TRAK1: variants seen among roughly 807,000 people sequenced by gnomAD.
TRAK1 encodes trafficking kinesin-binding protein 1.
Under a neutral mutation model 92.1 loss-of-function variants are expected in TRAK1, and 33 were observed. That is an observed-to-expected ratio of 0.36 (90% CI 0.27 to 0.48). The LOEUF (loss-of-function observed/expected upper bound fraction) is 0.48. Ranked by LOEUF, TRAK1 falls within the 20% of genes least tolerant of loss-of-function variation. The probability of loss-of-function intolerance (pLI) is 0.99; values close to 1 mark genes in which losing one functional copy is unlikely to be tolerated. For synonymous variants in TRAK1, 521 were observed against 517.3 expected, an observed-to-expected ratio of 1.01 and a Z score of -0.10; for missense variants, 1,123 against 1,257.9, an observed-to-expected ratio of 0.89 and a Z score of 1.62.
chr3:42,065,540 CT>C (rs1703639851), intron 1 of TRAK1, among the ~76,000 whole-genome samples: 1 of 152,004 alleles, frequency 6.6e-6, no homozygotes, highest in Admixed American at 6.5e-5. Flanking sequence ...TGCGTAAAGG[CT>C]ATTCAGTTTG....
chr3:42,103,699 C>A (rs1707127621), intron 1 of TRAK1, among the ~76,000 whole-genome samples: 1 of 152,070 alleles, frequency 6.6e-6, no homozygotes. Flanking sequence ...AGTTTGAGAC[C>A]AGATCCAGGA....
chr3:42,014,638 A>G (rs866584150), intron 1 of TRAK1, among the ~76,000 whole-genome samples: 1 of 152,152 alleles, frequency 6.6e-6, no homozygotes, highest in South Asian at 2.1e-4. Context: ...TCTTTTGTAA[A>G]GTTGTGTTTC....
At chr3:42,184,843 A>C (rs778764201) in intron 4 of TRAK1, 42 bp downstream of exon 4, 292 of 1,578,530 alleles carry the variant, frequency 1.8e-4, no homozygotes, top group Non-Finnish European at 2.4e-4. Context: ...GGCCCGCCAC[A>C]GGCCTGGGAG....
At chr3:42,189,242 G>A in intron 6 of TRAK1, 118 bp downstream of exon 6, 2 of 726,028 alleles carry the variant, frequency 2.8e-6, no homozygotes, top group Admixed American at 2.3e-5. Context: ...GTGAAGAGCT[G>A]TACCAGGCGC....
At chr3:42,201,936 G>T (rs1707689154) in intron 12 of TRAK1, among the ~76,000 whole-genome samples, 1 of 141,418 alleles carries the variant, frequency 7.1e-6, no homozygotes, top group Non-Finnish European at 1.5e-5. Flanking sequence ...ACACACCATT[G>T]TCTACTTTGT....
intron 1 of TRAK1, among the ~76,000 whole-genome samples, chr3:42,055,406 C>T (rs1703160347): frequency 6.6e-6 from 1 of 152,168 alleles, no homozygotes; most frequent in Non-Finnish European, 1.5e-5. Flanking sequence ...GTTGTCACAT[C>T]TAAAGTATGG....
intron 10 of TRAK1, among the ~76,000 whole-genome samples, chr3:42,197,030 A>T (rs191907781): frequency 8.1e-5 from 12 of 147,448 alleles, no homozygotes; most frequent in South Asian, 6.5e-4. Context: ...ACACACACAC[A>T]CACACACACG....
intron 3 of TRAK1, among the ~76,000 whole-genome samples, chr3:42,177,647 A>G (rs1703393975): frequency 6.6e-6 from 1 of 152,206 alleles, no homozygotes; most frequent in Admixed American, 6.5e-5. Flanking sequence ...TGTGGAGGAC[A>G]CAGAAATCAT....
intron 1 of TRAK1, among the ~76,000 whole-genome samples, chr3:42,111,029 A>C (rs1708330121): frequency 6.6e-6 from 1 of 152,136 alleles, no homozygotes; most frequent in South Asian, 2.1e-4. Flanking sequence ...GGAAAATGCC[A>C]GGGGCCAAGG....
chr3:42,149,415 C>G (rs572233791), intron 2 of TRAK1: 3 of 1,494,248 alleles, frequency 2.0e-6, no homozygotes, highest in African/African-American at 2.8e-5. Flanking sequence ...CAGCCTAATT[C>G]TGGTGTGTTT....
intron 14 of TRAK1, chr3:42,212,598 G>T (rs8528): frequency 0.32 from 295,215 of 932,868 alleles, 48,285 homozygotes; most frequent in East Asian, 0.36. Context: ...TAATTTAGAT[G>T]ATTAAAATGG....
chr3:42,055,198 G>C (rs373491032), intron 1 of TRAK1, among the ~76,000 whole-genome samples: 1 of 152,014 alleles, frequency 6.6e-6, no homozygotes, highest in East Asian at 1.9e-4. Context: ...GGGATTACAA[G>C]AGTGAGCCAC....
At position 42,081,170 on chromosome 3, in the gene TRAK1, C is replaced by G. The variant is rs368464878; in HGVS notation, c.-518-5934C>G. Among the ~76,000 whole-genome samples the G allele has an allele frequency of 1.8e-4, 28 of 152,328 alleles. 1 individual carries two copies. The South Asian group carries it at 3.5e-3, about 19-fold the overall frequency. On this transcript the variant is annotated intron_variant, in intron 1 of 16. Coordinates refer to the TRAK1 transcript ENST00000487159. ...AGGATTATGGTGTGAGCCACTGGGC[C>G]TGGCCACTGTGAGCCACATTTGATG...
intron 13 of TRAK1, among the ~76,000 whole-genome samples, chr3:42,206,674 A>T (rs562282870): frequency 6.6e-6 from 1 of 152,362 alleles, no homozygotes; most frequent in Non-Finnish European, 1.5e-5. Context: ...GGCTGTTCTT[A>T]CATGGGTGTT....
chr3:42,123,183 C>A (rs1017074338), intron 1 of TRAK1, among the ~76,000 whole-genome samples: 1 of 152,212 alleles, frequency 6.6e-6, no homozygotes, highest in Non-Finnish European at 1.5e-5. Flanking sequence ...ACTCTACGTT[C>A]TCTTTTCTCA....
chr3:42,218,676 CTT>C, intron 14 of TRAK1: 7 of 985,342 alleles, frequency 7.1e-6, no homozygotes, highest in Non-Finnish European at 8.4e-6. Context: ...AGACCATAGT[CTT>C]CAGCCACCTC....
At position 42,177,004 on chromosome 3, in the gene TRAK1, C is replaced by T. The variant is rs186523162; in HGVS notation, c.363+114C>T. ...AGTGAGGAATCTTGGAAATTGGTCT[C>T]TTTCGAGGTATAATTTAATGGCTTT... On this transcript the variant is annotated intron_variant, in intron 3 of 15. Coordinates refer to ENST00000327628, the MANE Select transcript of TRAK1 (RefSeq NM_001042646.3). The T allele has an allele frequency of 5.4e-5, 51 of 939,310 alleles. No individual in the cohort carries two copies. In the Admixed American group the frequency reaches 9.1e-4, roughly 17 times the overall value. 58.2% of individuals were successfully genotyped at this position (939,310 alleles called of 1,614,324 possible).
chr3:42,169,083 C>T (rs1379776985), intron 2 of TRAK1, among the ~76,000 whole-genome samples: 1 of 152,086 alleles, frequency 6.6e-6, no homozygotes, highest in Non-Finnish European at 1.5e-5. Context: ...CTTGGCCTCC[C>T]AAAGTGCTGG....
At chr3:42,183,074 C>A (rs994120038) in intron 3 of TRAK1, among the ~76,000 whole-genome samples, 2 of 152,102 alleles carry the variant, frequency 1.3e-5, no homozygotes, top group Non-Finnish European at 2.9e-5. Context: ...TAGGTTGTGA[C>A]CCAGTACTCA....
Sources: allele counts gnomAD v4.1 joint callset (sites outside exome capture counted in the v4.1 genomes callset), GRCh38; gene constraint gnomAD v4.1.1; transcripts MANE v1.5; gene names NCBI Gene and HGNC (gene_info 2026-07-23, HGNC 2026-07-21).